Variants in ISLR2 observed in about 807,000 individuals in gnomAD.
ISLR2 encodes the protein immunoglobulin superfamily containing leucine rich repeat 2, also known as immunoglobulin superfamily containing leucine-rich repeat protein 2.
ISLR2 carries 16 observed loss-of-function variants against 25.5 expected under a neutral mutation model. That is an observed-to-expected ratio of 0.63 (90% CI 0.43 to 0.95). The LOEUF (loss-of-function observed/expected upper bound fraction) is 0.95. ISLR2 is among the 40% of genes least tolerant of loss of function. The pLI is 0.00. For missense variants in ISLR2, 883 were observed against 1,030.7 expected (o/e 0.86, Z 1.96); for synonymous variants, 508 against 486.6 (o/e 1.04, Z -0.58).
upstream of ISLR2, chr15:74,126,893 CATTTGTGTGTGT>C (rs1319166129): frequency 4.0e-5 from 5 of 125,852 alleles, no homozygotes; most frequent in African/African-American, 1.6e-4. Flanking sequence ...CTGGAGAGAA[CATTTGTGTGTGT>C]GTGTGTGTGT....
At chr15:74,108,685 T>C (rs1160082784) in intron 2 of ISLR2, among the ~76,000 whole-genome samples, 1 of 152,246 alleles carries the variant, frequency 6.6e-6, no homozygotes, top group Non-Finnish European at 1.5e-5. Flanking sequence ...TCCACCTTTC[T>C]GTACCAGGCC....
At position 74,135,132 on chromosome 15, in the gene ISLR2, C is replaced by T; in HGVS notation, c.*140C>T. 2 of 1,027,176 alleles carry T rather than the reference C, an allele frequency of 1.9e-6. No homozygotes were observed. The highest frequency in any genetic ancestry group is 2.8e-6 in the Non-Finnish European group (2 of 707,146). The allele number at this position is 1,027,176 out of a possible 1,614,324, so 63.6% of individuals were successfully genotyped here. On this transcript the variant is annotated 3_prime_UTR_variant, in exon 3 of 3. Transcript: ENST00000453268. The stretch of plus-strand genomic sequence containing the variant: ...CCTTACTACTCCCCAACCTTGACTA[C>T]CAGGGACTTCTATTAGGGAGTGGGC...
rs768228945 is a variant in ISLR2 at position 74,134,280 on chromosome 15, G to A, written c.1526G>A (p.Trp509Ter). ...CAGCTGACTCCGCTGGCTGCGCGCT[G>A]GGGCCCTGGGCCCGGCGGGGCTGGC... is the stretch of plus-strand genomic sequence containing the variant. ...RVQLTPLAAR[W>*]GPGPGGAGGA... Residue 509 changes from tryptophan to a stop codon, truncating the protein, a stop_gained, in exon 3 of 3, where the codon TGG becomes TAG. Coordinates refer to ENST00000453268, the MANE Select transcript of ISLR2 (RefSeq NM_020851.3). LOFTEE classifies it high-confidence loss of function. The A allele has an allele frequency of 6.4e-7, 1 of 1,552,060 alleles. No homozygotes were observed. Among genetic ancestry groups the A allele is most frequent in the Non-Finnish European group, 8.7e-7 (1 of 1,147,896 alleles).
intron 1 of ISLR2, among the ~76,000 whole-genome samples, chr15:74,100,964 C>A (rs1349401738): frequency 2.3e-5 from 3 of 129,580 alleles, no homozygotes; most frequent in Non-Finnish European, 3.2e-5. Flanking sequence ...TAGTCTAGAA[C>A]AACTAAGTTT....
At position 74,135,152 on chromosome 15, in the gene ISLR2, G is replaced by T; in HGVS notation, c.*160G>T. 4.6e-6 allele frequency: 4 copies of T among 861,160 alleles called. No individual in the cohort carries two copies. Among genetic ancestry groups the T allele is most frequent in the Non-Finnish European group, 7.1e-6 (4 of 560,634 alleles). The allele number at this position is 861,160 out of a possible 1,614,324, so 53.3% of individuals were successfully genotyped here. On this transcript the variant is annotated 3_prime_UTR_variant, in exon 3 of 3. Coordinates refer to ENST00000453268, the MANE Select transcript of ISLR2 (RefSeq NM_020851.3). ...GACTACCAGGGACTTCTATTAGGGAGTGGGCCGATTTCACCAGTCCCTGCT... is the reference window on the plus strand; with the variant it reads ...GACTACCAGGGACTTCTATTAGGGATTGGGCCGATTTCACCAGTCCCTGCT...
At chr15:74,125,119 G>A (rs2072283934), upstream of ISLR2, among the ~76,000 whole-genome samples, 1 of 152,228 alleles carries the variant, frequency 6.6e-6, no homozygotes, top group Non-Finnish European at 1.5e-5. Context: ...GGAGCTGGCT[G>A]CCTCAGAAAA....
chr15:74,106,366 CT>C (rs1312721864), intron 2 of ISLR2, among the ~76,000 whole-genome samples: 4 of 152,126 alleles, frequency 2.6e-5, no homozygotes, highest in Non-Finnish European at 4.4e-5. Context: ...TTCAGATCCC[CT>C]GATCATCATG....
chr15:74,108,151 A>G (rs1482667897), intron 2 of ISLR2, among the ~76,000 whole-genome samples: 1 of 152,164 alleles, frequency 6.6e-6, no homozygotes, highest in East Asian at 1.9e-4. Context: ...GGTTCTGACC[A>G]TAACCCAGGA....
upstream of ISLR2, among the ~76,000 whole-genome samples, chr15:74,124,529 C>G (rs371500662): frequency 1.3e-5 from 2 of 152,052 alleles, no homozygotes; most frequent in Admixed American, 6.6e-5. Context: ...GAGGCTGAGG[C>G]GGAAGGATCA....
At chr15:74,118,372 G>A (rs141011482) in intron 2 of ISLR2, among the ~76,000 whole-genome samples, 1,868 of 152,198 alleles carry the variant, frequency 0.012, 49 homozygotes, top group African/African-American at 0.042. Flanking sequence ...ACAGGACCGG[G>A]GTGAAATTAA....
chr15:74,115,647 A>T (rs532450314), intron 2 of ISLR2, among the ~76,000 whole-genome samples: 1 of 152,148 alleles, frequency 6.6e-6, no homozygotes, highest in East Asian at 1.9e-4. Context: ...GTGAGGTGAG[A>T]TCACACCACT....
chr15:74,133,524 T>A lies in ISLR2; in HGVS notation c.770T>A (p.Val257Glu), dbSNP rs750733066. ...GTPLRAGLAF[V>E]LHCIADGHPT... ...CCACTGCGCGCAGGACTGGCGTTCG[T>A]GTTACACTGCATCGCCGACGGCCAC... Residue 257 changes from valine to glutamate, a missense_variant, in exon 3 of 3, where the codon GTG becomes GAG. This residue lies in a region of ISLR2 where 271 missense variants were observed against 387.9 expected (regional missense o/e 0.70). Transcript: ENST00000453268. The A allele has an allele frequency of 1.1e-5, 18 of 1,613,978 alleles. No individual in the cohort carries two copies. The East Asian group carries it at 4.0e-4, about 36-fold the overall frequency.
chr15:74,118,788 G>C (rs28845307), intron 2 of ISLR2, among the ~76,000 whole-genome samples: 7 of 151,870 alleles, frequency 4.6e-5, no homozygotes, highest in African/African-American at 1.2e-4. Context: ...CTCCCAAATA[G>C]CTGGGACTAC....
intron 2 of ISLR2, among the ~76,000 whole-genome samples, chr15:74,109,857 G>A (rs2072152236): frequency 6.6e-6 from 1 of 152,116 alleles, no homozygotes; most frequent in African/African-American, 2.4e-5. Context: ...GTATAATGGT[G>A]CAGTCACAGC....
At chr15:74,141,044 A>G (rs999890366), downstream of ISLR2, among the ~76,000 whole-genome samples, 1 of 152,242 alleles carries the variant, frequency 6.6e-6, no homozygotes, top group African/African-American at 2.4e-5. Flanking sequence ...AACAAAACCA[A>G]CTTGTTGGGT....
At chr15:74,119,650 A>C (rs752599056) in intron 2 of ISLR2, among the ~76,000 whole-genome samples, 6 of 152,236 alleles carry the variant, frequency 3.9e-5, no homozygotes, top group Non-Finnish European at 7.3e-5. Context: ...GAGGTGATTA[A>C]AATGTTAATT....
At chr15:74,137,755 C>A (rs1290009454), downstream of ISLR2, among the ~76,000 whole-genome samples, 2 of 152,112 alleles carry the variant, frequency 1.3e-5, no homozygotes, top group African/African-American at 4.8e-5. Flanking sequence ...CTTCCAATTT[C>A]TTGTCCTCTT....
In ISLR2 at chr15:74,134,069, A is replaced by C. The variant is rs540451325; in HGVS notation, c.1315A>C (p.Thr439Pro). ...GETETEPEEDTSEGEEAEDQI... is the reference protein window; with the variant it reads ...GETETEPEEDPSEGEEAEDQI... ...GACCGAGACGGAGCCGGAGGAGGACACAAGTGAGGGAGAGGAGGCCGAAGA... is the reference window on the plus strand; with the variant it reads ...GACCGAGACGGAGCCGGAGGAGGACCCAAGTGAGGGAGAGGAGGCCGAAGA... Residue 439 changes from threonine (T) to proline (P), a missense_variant, in exon 3 of 3, where the codon ACA becomes CCA. This residue lies in a region of ISLR2 where 612 missense variants were observed against 642.8 expected (regional missense o/e 0.95). Transcript: ENST00000453268. 536 of 1,613,736 alleles carry C rather than the reference A, an allele frequency of 3.3e-4. 4 individuals are homozygous for C. The South Asian group carries it at 5.4e-3, about 16-fold the overall frequency.
chr15:74,123,978 A>G (rs2072272317), upstream of ISLR2, among the ~76,000 whole-genome samples: 1 of 152,048 alleles, frequency 6.6e-6, no homozygotes, highest in Non-Finnish European at 1.5e-5. Flanking sequence ...CAGCCCAAAT[A>G]AATAAATAAG....
Sources: allele counts gnomAD v4.1 joint callset (sites outside exome capture counted in the v4.1 genomes callset), GRCh38; gene constraint gnomAD v4.1.1; regional missense constraint gnomAD v4.1.1; transcripts MANE v1.5; gene names NCBI Gene and HGNC (gene_info 2026-07-23, HGNC 2026-07-21).